Variants in MAST4 observed in about 807,000 individuals in gnomAD.
The protein encoded by MAST4 is microtubule-associated serine/threonine-protein kinase 4.
Under a neutral mutation model 162.7 loss-of-function variants are expected in MAST4, and 89 were observed. That is an observed-to-expected ratio of 0.55 (90% CI 0.46 to 0.65). The LOEUF (loss-of-function observed/expected upper bound fraction) is 0.65, where lower values mean the gene tolerates loss of function less well. Among genes scored for constraint, MAST4 ranks in the 30% least tolerant of loss-of-function variants. The pLI is 0.00. For synonymous variants in MAST4, 1,479 were observed against 1,361.1 expected, an observed-to-expected ratio of 1.09 and a Z score of -1.91; for missense variants, 3,153 against 3,374.0, an observed-to-expected ratio of 0.93 and a Z score of 1.62.
intron 5 of MAST4, among the ~76,000 whole-genome samples, chr5:67,057,153 G>A (rs1758934115): frequency 6.6e-6 from 1 of 152,074 alleles, no homozygotes. Context: ...ATGTGAATAC[G>A]ATACAGGACC....
chr5:66,757,361 C>T (rs890593946), intron 1 of MAST4, among the ~76,000 whole-genome samples: 1 of 152,174 alleles, frequency 6.6e-6, no homozygotes, highest in Non-Finnish European at 1.5e-5. Flanking sequence ...AGTGCATTTA[C>T]TAGGACTATT....
At chr5:66,881,049 A>G (rs978353271) in intron 3 of MAST4, among the ~76,000 whole-genome samples, 2 of 152,176 alleles carry the variant, frequency 1.3e-5, no homozygotes, top group African/African-American at 4.8e-5. Context: ...GATTGACTCT[A>G]CTCATGTAAT....
At position 67,142,480 on chromosome 5, in the gene MAST4, G is replaced by T. The variant is rs1184266903; in HGVS notation, c.2677G>T (p.Asp893Tyr). The change falls in exon 21 of 29, where the codon GAC (aspartate) becomes TAC (tyrosine). Residue 893 changes from aspartate (D) to tyrosine (Y), a missense_variant. Asp to Tyr is a radical substitution (Grantham distance 160). Around this residue, in one of 7 missense-constraint regions of MAST4, gnomAD observed 619 missense variants for 744.2 expected, o/e 0.83. Coordinates refer to ENST00000403625, the MANE Select transcript of MAST4 (RefSeq NM_001164664.2). Reference sequence around the variant, plus strand: ...GGAAGAAGATGACACAAATGATGAAGACTTTAATGTGGAAATAAGGCAGTT... The same window carrying T: ...GGAAGAAGATGACACAAATGATGAATACTTTAATGTGGAAATAAGGCAGTT... ...TEEEDDTNDEDFNVEIRQFSS... is the reference protein window; with the variant it reads ...TEEEDDTNDEYFNVEIRQFSS... 2 of 1,599,596 alleles carry T rather than the reference G, an allele frequency of 1.3e-6. No homozygotes were observed. The highest frequency in any genetic ancestry group is 4.5e-5 in the East Asian group (2 of 44,416).
intron 4 of MAST4, among the ~76,000 whole-genome samples, chr5:67,045,944 A>C (rs1757317908): frequency 6.6e-6 from 1 of 152,182 alleles, no homozygotes; most frequent in South Asian, 2.1e-4. Context: ...TGGGGATGTG[A>C]CTGAAGTCCC....
chr5:66,615,471 T>C (rs1743609588), intron 1 of MAST4, among the ~76,000 whole-genome samples: 1 of 152,172 alleles, frequency 6.6e-6, no homozygotes, highest in African/African-American at 2.4e-5. Context: ...GGAATAGCTC[T>C]GAGGGATCAG....
At chr5:67,009,526 C>T (rs184246964) in intron 4 of MAST4, among the ~76,000 whole-genome samples, 5 of 152,228 alleles carry the variant, frequency 3.3e-5, no homozygotes, top group South Asian at 2.1e-4. Flanking sequence ...TCACTTGCTC[C>T]GTCTATAAAA....
At chr5:66,647,291 A>T (rs2149443160) in intron 1 of MAST4, among the ~76,000 whole-genome samples, 1 of 152,236 alleles carries the variant, frequency 6.6e-6, no homozygotes, top group African/African-American at 2.4e-5. Context: ...GAGGTAGGAG[A>T]GCCCTCTCTA....
At chr5:66,822,608 C>A (rs906707015) in intron 3 of MAST4, among the ~76,000 whole-genome samples, 2 of 152,100 alleles carry the variant, frequency 1.3e-5, no homozygotes, top group African/African-American at 2.4e-5. Flanking sequence ...CTTCCTCCAC[C>A]CCTCCTGCCC....
At chr5:66,762,487 G>T (rs531027903) in intron 2 of MAST4, among the ~76,000 whole-genome samples, 1 of 152,206 alleles carries the variant, frequency 6.6e-6, no homozygotes, top group Admixed American at 6.5e-5. Context: ...TCATGGAAAT[G>T]AGTTTGGTAC....
chr5:66,901,110 C>G (rs2149981044), intron 4 of MAST4, among the ~76,000 whole-genome samples: 1 of 152,096 alleles, frequency 6.6e-6, no homozygotes, highest in Non-Finnish European at 1.5e-5. Context: ...TGGAAAAGTC[C>G]AAACTTTTTG....
At chr5:66,888,301 A>G (rs1762169009) in intron 3 of MAST4, among the ~76,000 whole-genome samples, 1 of 152,126 alleles carries the variant, frequency 6.6e-6, no homozygotes, top group Non-Finnish European at 1.5e-5. Context: ...TTGTTTTTGC[A>G]TTTAGATGGA....
intron 4 of MAST4, among the ~76,000 whole-genome samples, chr5:66,939,733 A>G (rs2150098602): frequency 6.6e-6 from 1 of 151,710 alleles, no homozygotes; most frequent in South Asian, 2.1e-4. Flanking sequence ...CCTCAGAGAT[A>G]TTGCTGGGTT....
chr5:67,104,492 TG>T lies in MAST4; in HGVS notation c.1274del (p.Cys425SerfsTer22). On this transcript the variant is annotated frameshift_variant, in exon 10 of 29. Coordinates refer to ENST00000403625, the MANE Select transcript of MAST4 (RefSeq NM_001164664.2). LOFTEE classifies it high-confidence loss of function. ...HHQIIELARDCLDKSHQGLIT... is the reference protein window; with the variant it reads ...HHQIIELARDXLDKSHQGLIT... Reference sequence around the variant, plus strand: ...CCAGATTATTGAACTGGCTCGAGATTGCTTGGATAAATCCCACCAGGGCCTC... The same window carrying T: ...CCAGATTATTGAACTGGCTCGAGATTCTTGGATAAATCCCACCAGGGCCTC... 1 of 1,613,984 alleles carries T rather than the reference TG, an allele frequency of 6.2e-7. No homozygotes were observed. The highest frequency in any genetic ancestry group is 1.3e-5 in the African/African-American group (1 of 75,062).
intron 4 of MAST4, among the ~76,000 whole-genome samples, chr5:66,979,206 G>C (rs1748489294): frequency 6.6e-6 from 1 of 152,304 alleles, no homozygotes; most frequent in Non-Finnish European, 1.5e-5. Flanking sequence ...GGTCCAGCCT[G>C]CTGTTGGAGA....
At chr5:67,015,497 T>A (rs1281388436) in intron 4 of MAST4, among the ~76,000 whole-genome samples, 1 of 152,220 alleles carries the variant, frequency 6.6e-6, no homozygotes, top group Non-Finnish European at 1.5e-5. Context: ...TTATCTTAAG[T>A]ATATGTTAAG....
intron 1 of MAST4, among the ~76,000 whole-genome samples, chr5:66,676,297 T>G (rs762499382): frequency 6.6e-6 from 1 of 152,200 alleles, no homozygotes; most frequent in Non-Finnish European, 1.5e-5. Context: ...TACAATACCA[T>G]ACACTGACTG....
chr5:66,884,929 A>T lies in MAST4; in HGVS notation c.643-15022A>T, dbSNP rs1005484877. ...CACAGTTAATAACGTCTTCCCCCAT[A>T]TACCTCTGGGCATATCATTTGGGCT... is the stretch of plus-strand genomic sequence containing the variant. On this transcript the variant is annotated intron_variant, in intron 3 of 28. Transcript: ENST00000403625. Among the ~76,000 whole-genome samples the T allele has an allele frequency of 8.5e-5, 13 of 152,266 alleles. No individual in the cohort carries two copies. In the East Asian group the frequency reaches 2.5e-3, roughly 29 times the overall value.
intron 5 of MAST4, among the ~76,000 whole-genome samples, chr5:67,076,670 C>G (rs1174976643): frequency 6.6e-6 from 1 of 152,168 alleles, no homozygotes; most frequent in African/African-American, 2.4e-5. Flanking sequence ...AACTGGGAGC[C>G]TGCTTTGGCA....
chr5:66,803,951 A>T (rs1273397873), intron 3 of MAST4, among the ~76,000 whole-genome samples: 11 of 149,278 alleles, frequency 7.4e-5, no homozygotes, highest in Admixed American at 1.3e-4. Flanking sequence ...TTTTTTTTTT[A>T]AAAAGCTCTG....
Sources: gnomAD v4.1 joint callset for allele counts (sites outside exome capture counted in the v4.1 genomes callset) on GRCh38, gnomAD v4.1.1 for gene constraint, gnomAD v4.1.1 regional missense constraint, MANE v1.5 for transcripts, NCBI Gene and HGNC (gene_info 2026-07-23, HGNC 2026-07-21) for gene names.